Variants in ETFDH observed in about 807,000 individuals in gnomAD.
ETFDH encodes the protein electron transfer flavoprotein-ubiquinone oxidoreductase, mitochondrial.
A neutral mutation model predicts 73.2 loss-of-function variants in ETFDH; 61 were observed. The ratio of observed to expected loss-of-function variants is 0.83; its 90% CI spans 0.68 to 1.03. The LOEUF (loss-of-function observed/expected upper bound fraction) is 1.03. Ranked by LOEUF, ETFDH falls within the 50% of genes least tolerant of loss-of-function variation. ETFDH has a pLI of 0.00. For missense variants in ETFDH, 685 were observed against 745.0 expected, an observed-to-expected ratio of 0.92 and a Z score of 0.94; for synonymous variants, 243 against 253.3, an observed-to-expected ratio of 0.96 and a Z score of 0.39.
At chr4:158,701,920 T>G (rs536294085) in intron 9 of ETFDH, among the ~76,000 whole-genome samples, 1 of 151,698 alleles carries the variant, frequency 6.6e-6, no homozygotes, top group East Asian at 1.9e-4. Context: ...TATTACATTG[T>G]TTTTTTTAAT....
chr4:158,706,993 CT>C, intron 12 of ETFDH, 143 bp downstream of exon 12: 1 of 610,744 alleles, frequency 1.6e-6, no homozygotes, highest in South Asian at 1.9e-5. Flanking sequence ...AGGAAACATA[CT>C]TTTAACTACT....
chr4:158,695,488 G>C lies in ETFDH; in HGVS notation c.685-9G>C. On this transcript the variant is annotated splice_polypyrimidine_tract_variant and intron_variant, in intron 6 of 12. Coordinates refer to ENST00000511912, the MANE Select transcript of ETFDH (RefSeq NM_004453.4). The stretch of plus-strand genomic sequence containing the variant: ...AAATGTTGCCATTTAACATGTTTTT[G>C]CTTTTCAGGCAACATTTGAGAGAGG... The C allele has an allele frequency of 6.2e-7, 1 of 1,609,428 alleles. No homozygotes were observed. The highest frequency in any genetic ancestry group is 8.5e-7 in the Non-Finnish European group (1 of 1,176,962).
intron 1 of ETFDH, among the ~76,000 whole-genome samples, chr4:158,677,076 G>T (rs1399169552): frequency 1.3e-5 from 2 of 152,192 alleles, no homozygotes; most frequent in African/African-American, 4.8e-5. Flanking sequence ...CAGTTTAACT[G>T]TATTTTTTGT....
At chr4:158,692,859 A>G (rs981574205) in intron 6 of ETFDH, among the ~76,000 whole-genome samples, 7 of 97,122 alleles carry the variant, frequency 7.2e-5, no homozygotes, top group African/African-American at 3.7e-4. Context: ...GACTCCATCT[A>G]AAAAAAAAAA....
intron 9 of ETFDH, chr4:158,700,875 G>A (rs934051385): frequency 2.0e-5 from 3 of 152,198 alleles, no homozygotes; most frequent in African/African-American, 7.2e-5. Flanking sequence ...CCTTCCTTAG[G>A]AAGAGTGAGA....
Position 158,680,705 on chromosome 4 carries a change from T to C in ETFDH, c.175+98T>C, listed in dbSNP as rs4546197. The C allele has an allele frequency of 3.3e-3, 3,492 of 1,059,006 alleles. 52 individuals carry two copies. In the African/African-American group the frequency reaches 0.038, roughly 12 times the overall value. 65.6% of individuals were successfully genotyped at this position (1,059,006 alleles called of 1,614,324 possible). On this transcript the variant is annotated intron_variant, in intron 2 of 12. Transcript: ENST00000511912. ...TAATATTTTTCATAATTTAAAAACA[T>C]CTAATAATATTTTGTGGCTTTACCA...
chr4:158,674,535 A>G (rs146340749), intron 1 of ETFDH, among the ~76,000 whole-genome samples: 1,766 of 152,250 alleles, frequency 0.012, 25 homozygotes, highest in African/African-American at 0.038. Context: ...TCCTGGCCTC[A>G]AGTGATCCTC....
intron 5 of ETFDH, among the ~76,000 whole-genome samples, chr4:158,689,662 T>G (rs1774111064): frequency 7.2e-6 from 1 of 138,034 alleles, no homozygotes. Context: ...TTCATATCCA[T>G]TGCTGCTAAT....
At chr4:158,697,770 GT>G (rs1774351077) in intron 8 of ETFDH, 71 bp downstream of exon 8, 4 of 1,394,652 alleles carry the variant, frequency 2.9e-6, no homozygotes, top group Non-Finnish European at 3.1e-6. Context: ...TAAAATAAGG[GT>G]TTTGAATCTG....
At chr4:158,706,039 C>T (rs752420606) in intron 10 of ETFDH, 150 bp from the exon 11 acceptor site, 4 of 668,598 alleles carry the variant, frequency 6.0e-6, no homozygotes, top group Non-Finnish European at 1.1e-5. Flanking sequence ...CATGATCACA[C>T]CACTGTACTC....
At chr4:158,690,674 C>T (rs1774141620) in intron 6 of ETFDH, among the ~76,000 whole-genome samples, 1 of 94,386 alleles carries the variant, frequency 1.1e-5, no homozygotes, top group Non-Finnish European at 2.1e-5. Context: ...CAGAGCAAAA[C>T]CCTGTCTTAA....
intron 1 of ETFDH, among the ~76,000 whole-genome samples, chr4:158,673,626 T>C (rs1773638642): frequency 6.6e-6 from 1 of 152,234 alleles, no homozygotes; most frequent in South Asian, 2.1e-4. Context: ...ATTAGAACTT[T>C]GTTTAAATTT....
At chr4:158,695,700 G>A in intron 7 of ETFDH, 57 bp downstream of exon 7, 6 of 1,185,030 alleles carry the variant, frequency 5.1e-6, no homozygotes, top group Non-Finnish European at 7.6e-6. Flanking sequence ...AAATTTATTT[G>A]TATTATCAGG....
intron 7 of ETFDH, among the ~76,000 whole-genome samples, chr4:158,696,857 G>A (rs185607694): frequency 1.1e-3 from 166 of 152,284 alleles, no homozygotes; most frequent in African/African-American, 3.8e-3. Context: ...TATCCATGTG[G>A]CTGTCACCCA....
chr4:158,700,622 C>T (rs1774439365), intron 9 of ETFDH: 2 of 150,242 alleles, frequency 1.3e-5, no homozygotes, highest in South Asian at 4.2e-4. Flanking sequence ...CCTGAATTTT[C>T]TGATTTCATT....
At position 158,698,974 on chromosome 4, in the gene ETFDH, G is replaced by A. The variant is rs186361185; in HGVS notation, c.973-13G>A. The A allele has an allele frequency of 1.9e-5, 29 of 1,553,958 alleles. No individual in the cohort carries two copies. The highest frequency in any genetic ancestry group is 2.0e-5 in the Non-Finnish European group (22 of 1,127,300). On this transcript the variant is annotated splice_polypyrimidine_tract_variant and intron_variant, in intron 8 of 12. Coordinates refer to ENST00000511912, the MANE Select transcript of ETFDH (RefSeq NM_004453.4). ...TAAAAATGTCTAATTAAATATAAGT[G>A]TAAATTTTTAAGGTTGGTCTAGACT... is the stretch of plus-strand genomic sequence containing the variant.
chr4:158,682,543 C>CT, intron 3 of ETFDH, 119 bp downstream of exon 3: 3 of 769,126 alleles, frequency 3.9e-6, no homozygotes, highest in Non-Finnish European at 6.0e-6. Flanking sequence ...TTTTTTTTTT[C>CT]TTTTTTTGAG....
chr4:158,706,104 C>A, intron 10 of ETFDH, 85 bp from the exon 11 acceptor site: 1 of 933,928 alleles, frequency 1.1e-6, no homozygotes, highest in Non-Finnish European at 1.8e-6. Context: ...CTTCACTCAT[C>A]AGCTATCAAA....
chr4:158,707,948 A>G (rs975391580), intron 12 of ETFDH, among the ~76,000 whole-genome samples: 4 of 152,250 alleles, frequency 2.6e-5, no homozygotes, highest in South Asian at 2.1e-4. Context: ...TGGAAAAGGC[A>G]TCACATTTGT....
Sources: allele counts gnomAD v4.1 joint callset (sites outside exome capture counted in the v4.1 genomes callset), GRCh38; gene constraint gnomAD v4.1.1; transcripts MANE v1.5; gene names NCBI Gene and HGNC (gene_info 2026-07-23, HGNC 2026-07-21).